Variants in IQCM observed in about 807,000 individuals in gnomAD.
IQCM encodes IQ domain-containing protein M.
IQCM carries 45 observed loss-of-function variants against 57.6 expected under a neutral mutation model. The observed-to-expected ratio is 0.78, with a 90% CI of 0.62 to 1.00. The LOEUF (loss-of-function observed/expected upper bound fraction) is 1.00, where lower values mean the gene tolerates loss of function less well. IQCM is among the 50% of genes least tolerant of loss of function. IQCM has a pLI of 0.00. For synonymous variants in IQCM, 148 were observed against 158.9 expected (o/e 0.93, Z 0.51); for missense variants, 468 against 511.6 (o/e 0.91, Z 0.82).
chr4:149,401,816 C>A (rs1348433250), intron 13 of IQCM, among the ~76,000 whole-genome samples: 1 of 151,760 alleles, frequency 6.6e-6, no homozygotes, highest in Non-Finnish European at 1.5e-5. Flanking sequence ...ACTTTCCCAA[C>A]AAATACTCCA....
intron 2 of IQCM, among the ~76,000 whole-genome samples, chr4:149,753,733 A>C (rs1768688893): frequency 6.7e-6 from 1 of 149,442 alleles, no homozygotes; most frequent in South Asian, 2.1e-4. Context: ...AGTATAATAA[A>C]AAATAAAATA....
chr4:149,628,109 A>G (rs1756966398), intron 7 of IQCM, among the ~76,000 whole-genome samples: 1 of 152,208 alleles, frequency 6.6e-6, no homozygotes, highest in Non-Finnish European at 1.5e-5. Flanking sequence ...GATTGTTTCA[A>G]GTTACCAGGT....
intron 9 of IQCM, among the ~76,000 whole-genome samples, chr4:149,578,117 G>A (rs1202879971): frequency 7.3e-5 from 11 of 151,692 alleles, no homozygotes; most frequent in Non-Finnish European, 2.9e-5. Flanking sequence ...GAACCTTTAG[G>A]CAGAGGCTAT....
intron 12 of IQCM, among the ~76,000 whole-genome samples, chr4:149,538,749 A>G (rs1560965845): frequency 6.6e-6 from 1 of 151,966 alleles, no homozygotes; most frequent in Non-Finnish European, 1.5e-5. Flanking sequence ...ATCTTATTAC[A>G]AGCAAAAACT....
At chr4:149,616,557 T>C (rs1466922715) in intron 8 of IQCM, among the ~76,000 whole-genome samples, 1 of 152,148 alleles carries the variant, frequency 6.6e-6, no homozygotes, top group Non-Finnish European at 1.5e-5. Flanking sequence ...CAAAGAACTA[T>C]AAACTTAAAA....
intron 13 of IQCM, among the ~76,000 whole-genome samples, chr4:149,409,967 C>T (rs760266118): frequency 9.9e-5 from 15 of 152,116 alleles, no homozygotes; most frequent in Non-Finnish European, 1.8e-4. Flanking sequence ...AGGTGGATCA[C>T]GAGATCAGGA....
intron 8 of IQCM, among the ~76,000 whole-genome samples, chr4:149,606,453 C>T (rs1754790326): frequency 6.6e-6 from 1 of 152,086 alleles, no homozygotes; most frequent in Non-Finnish European, 1.5e-5. Context: ...CAAACAAGCC[C>T]AAACCACAAA....
rs928540441 is a variant in IQCM, at chr4:149,660,131, A to C, written c.565+21987T>G. Reference sequence around the variant, plus strand: ...ATCTACAATGAACTCAAACAAATTTACAAGAAAAAAACAAACAACCCCATC... The same window carrying C: ...ATCTACAATGAACTCAAACAAATTTCCAAGAAAAAAACAAACAACCCCATC... On this transcript the variant is annotated intron_variant, in intron 7 of 13. Coordinates refer to ENST00000636793, the MANE Select transcript of IQCM (RefSeq NM_001363507.2). Among the ~76,000 whole-genome samples the C allele has an allele frequency of 7.3e-5, 11 of 151,142 alleles. 1 individual carries two copies. Among genetic ancestry groups the C allele is most frequent in the Admixed American group, 2.0e-4 (3 of 15,214 alleles).
intron 12 of IQCM, among the ~76,000 whole-genome samples, chr4:149,529,486 C>T (rs1262192353): frequency 5.9e-5 from 9 of 152,176 alleles, no homozygotes; most frequent in Admixed American, 4.6e-4. Flanking sequence ...AGGTCTCATC[C>T]CATTTCAGGC....
intron 2 of IQCM, among the ~76,000 whole-genome samples, chr4:149,746,224 C>T (rs1396419830): frequency 6.6e-6 from 1 of 152,140 alleles, no homozygotes; most frequent in African/African-American, 2.4e-5. Flanking sequence ...TACTTTCACC[C>T]TTCCCCATTT....
chr4:149,654,275 T>C (rs2150139824), intron 7 of IQCM, among the ~76,000 whole-genome samples: 1 of 152,286 alleles, frequency 6.6e-6, no homozygotes, highest in Middle Eastern at 3.4e-3. Context: ...CCAAATCTTA[T>C]GTTGAAATGT....
At chr4:149,773,001 A>G (rs1251631005) in intron 2 of IQCM, among the ~76,000 whole-genome samples, 1 of 152,228 alleles carries the variant, frequency 6.6e-6, no homozygotes, top group Non-Finnish European at 1.5e-5. Context: ...ATTTAAGTGG[A>G]CACAGATTTT....
At chr4:149,395,620 A>G (rs1732166031) in intron 13 of IQCM, among the ~76,000 whole-genome samples, 1 of 152,028 alleles carries the variant, frequency 6.6e-6, no homozygotes, top group African/African-American at 2.4e-5. Context: ...AGCCCAACTG[A>G]CATGTGGTTG....
chr4:149,735,228 A>G (rs1048877664), intron 4 of IQCM, 148 bp downstream of exon 4: 2 of 400,004 alleles, frequency 5.0e-6, no homozygotes, highest in Middle Eastern at 6.4e-4. Context: ...CAATTTTTAT[A>G]GCTAGTGAGC....
chr4:149,632,462 C>A (rs1267251544), intron 7 of IQCM, among the ~76,000 whole-genome samples: 2 of 152,050 alleles, frequency 1.3e-5, no homozygotes, highest in African/African-American at 4.8e-5. Flanking sequence ...ATCTAATCCC[C>A]TAAAAAAGAT....
At chr4:149,568,893 T>A (rs1750890036) in intron 9 of IQCM, among the ~76,000 whole-genome samples, 1 of 152,196 alleles carries the variant, frequency 6.6e-6, no homozygotes, top group Non-Finnish European at 1.5e-5. Flanking sequence ...AACGTGATTG[T>A]GCAGCCCTAC....
At chr4:149,544,311 C>A (rs1748162283) in intron 12 of IQCM, among the ~76,000 whole-genome samples, 1 of 152,058 alleles carries the variant, frequency 6.6e-6, no homozygotes, top group African/African-American at 2.4e-5. Flanking sequence ...ATCCCCCTTG[C>A]AATCGCATCA....
chr4:149,647,791 C>A (rs1579839112), intron 7 of IQCM, among the ~76,000 whole-genome samples: 1 of 152,246 alleles, frequency 6.6e-6, no homozygotes, highest in East Asian at 1.9e-4. Context: ...CTCATCATTT[C>A]TGAAACATTC....
chr4:149,728,314 A>T (rs1766145371), intron 5 of IQCM, among the ~76,000 whole-genome samples: 1 of 152,198 alleles, frequency 6.6e-6, no homozygotes, highest in Admixed American at 6.5e-5. Flanking sequence ...GCAGACACAC[A>T]GTCCATGTCC....
Sources: gnomAD v4.1 joint callset for allele counts (sites outside exome capture counted in the v4.1 genomes callset) on GRCh38, gnomAD v4.1.1 for gene constraint, MANE v1.5 for transcripts, NCBI Gene and HGNC (gene_info 2026-07-23, HGNC 2026-07-21) for gene names.